Variants in FGD4 observed in about 807,000 individuals in gnomAD.
FGD4 encodes FYVE, RhoGEF and PH domain-containing protein 4.
FGD4 carries 42 observed loss-of-function variants against 102.0 expected under a neutral mutation model. The observed-to-expected ratio is 0.41, with a 90% CI of 0.32 to 0.53. FGD4 has a LOEUF of 0.53. Ranked by LOEUF, FGD4 falls within the 20% of genes least tolerant of loss-of-function variation. The probability of loss-of-function intolerance (pLI) is 0.21; values close to 1 mark genes in which losing one functional copy is unlikely to be tolerated. For synonymous variants in FGD4, 380 were observed against 375.7 expected (o/e 1.01, Z -0.13); for missense variants, 902 against 1,078.2 (o/e 0.84, Z 2.29).
At chr12:32,513,553 G>A (rs1174294299) in intron 1 of FGD4, among the ~76,000 whole-genome samples, 2 of 152,198 alleles carry the variant, frequency 1.3e-5, no homozygotes, top group Non-Finnish European at 2.9e-5. Context: ...AGGAGCTTTA[G>A]CATTTTGATG....
chr12:32,442,060 GT>G (rs1340991132), intron 1 of FGD4, among the ~76,000 whole-genome samples: 9 of 123,918 alleles, frequency 7.3e-5, no homozygotes, highest in East Asian at 4.4e-4. Flanking sequence ...TTTTTTTTTG[GT>G]TTTTTTTTTG....
At chr12:32,600,979 G>A (rs1948385988) in intron 5 of FGD4, among the ~76,000 whole-genome samples, 1 of 152,190 alleles carries the variant, frequency 6.6e-6, no homozygotes, top group Admixed American at 6.5e-5. Context: ...TGGATAGGAA[G>A]GGTGAATTCT....
At chr12:32,539,328 G>T (rs1942597896) in intron 1 of FGD4, among the ~76,000 whole-genome samples, 1 of 152,198 alleles carries the variant, frequency 6.6e-6, no homozygotes, top group Non-Finnish European at 1.5e-5. Context: ...CCAGCACATT[G>T]GGAGGCTGAG....
At chr12:32,563,176 CG>C (rs963543185) in intron 1 of FGD4, among the ~76,000 whole-genome samples, 17 of 151,940 alleles carry the variant, frequency 1.1e-4, no homozygotes, top group African/African-American at 3.6e-4. Flanking sequence ...GGGTGGCTGC[CG>C]GGCGGAGACG....
At chr12:32,581,851 T>C (rs972247166) in intron 3 of FGD4, 109 bp from the exon 4 acceptor site, 6 of 1,217,886 alleles carry the variant, frequency 4.9e-6, no homozygotes, top group Non-Finnish European at 2.3e-6. Context: ...CCATCAGAGA[T>C]AGAAAAAAAA....
intron 1 of FGD4, among the ~76,000 whole-genome samples, chr12:32,401,627 GA>G (rs1384993520): frequency 6.6e-6 from 1 of 151,908 alleles, no homozygotes; most frequent in Non-Finnish European, 1.5e-5. Context: ...TTGAGTAGGG[GA>G]AAAGAGGAAG....
chr12:32,453,202 A>ATAT (rs1565748877), intron 1 of FGD4, among the ~76,000 whole-genome samples: 20,405 of 116,486 alleles, frequency 0.18, 2,535 homozygotes, highest in Non-Finnish European at 0.24. Context: ...TATATATATT[A>ATAT]TATATATATA....
chr12:32,517,885 C>CAA (rs913487584), intron 1 of FGD4, among the ~76,000 whole-genome samples: 1 of 143,428 alleles, frequency 7.0e-6, no homozygotes, highest in Non-Finnish European at 1.5e-5. Context: ...GACCCTGTCT[C>CAA]AAAAAAAAAA....
intron 7 of FGD4, among the ~76,000 whole-genome samples, chr12:32,604,345 T>C (rs78864744): frequency 0.044 from 6,747 of 152,178 alleles, 195 homozygotes; most frequent in Non-Finnish European, 0.052. Flanking sequence ...ATTACACAAA[T>C]TTTGGTGGGT....
At chr12:32,630,678 T>C (rs1273407868) in intron 14 of FGD4, among the ~76,000 whole-genome samples, 1 of 151,926 alleles carries the variant, frequency 6.6e-6, no homozygotes, top group Non-Finnish European at 1.5e-5. Flanking sequence ...TAGCTGGGTG[T>C]GGTGGCATGT....
At chr12:32,446,375 C>T (rs566671113) in intron 1 of FGD4, among the ~76,000 whole-genome samples, 2 of 151,992 alleles carry the variant, frequency 1.3e-5, no homozygotes, top group East Asian at 3.9e-4. Flanking sequence ...AAACCTGAAG[C>T]CCAATGTAAC....
At chr12:32,638,887 T>G (rs1400426020) in intron 16 of FGD4, 92 bp downstream of exon 16, 1 of 1,586,950 alleles carries the variant, frequency 6.3e-7, no homozygotes, top group Non-Finnish European at 8.6e-7. Context: ...AGAACAAGAG[T>G]TCAGGCAGTT....
At chr12:32,410,102 G>A (rs2136393347) in intron 1 of FGD4, among the ~76,000 whole-genome samples, 1 of 152,234 alleles carries the variant, frequency 6.6e-6, no homozygotes, top group East Asian at 1.9e-4. Context: ...GCCGAAGCAG[G>A]TGGATCATGA....
intron 1 of FGD4, among the ~76,000 whole-genome samples, chr12:32,486,361 C>A (rs1282617461): frequency 2.0e-5 from 3 of 152,174 alleles, no homozygotes; most frequent in Non-Finnish European, 2.9e-5. Flanking sequence ...TTTTTCTTAT[C>A]TTCATGATCC....
At chr12:32,569,611 C>T (rs1945475175) in intron 2 of FGD4, among the ~76,000 whole-genome samples, 1 of 152,180 alleles carries the variant, frequency 6.6e-6, no homozygotes, top group African/African-American at 2.4e-5. Context: ...ACTTCCCACA[C>T]CCTGGATGGT....
chr12:32,526,990 T>C (rs1463200704), intron 1 of FGD4, among the ~76,000 whole-genome samples: 1 of 152,186 alleles, frequency 6.6e-6, no homozygotes, highest in Non-Finnish European at 1.5e-5. Context: ...GTAAAGATTT[T>C]AAAAATTAAT....
chr12:32,451,751 A>G (rs1357498552), intron 1 of FGD4, among the ~76,000 whole-genome samples: 1 of 147,926 alleles, frequency 6.8e-6, no homozygotes, highest in African/African-American at 2.6e-5. Flanking sequence ...TACTAAAAAC[A>G]CAAAAAATTA....
chr12:32,480,694 T>C lies in FGD4; in HGVS notation c.166+80735T>C, dbSNP rs1401742983. On this transcript the variant is annotated intron_variant, in intron 1 of 16. Transcript: ENST00000534526. ...TTTTGTATTTTTAGTAGAGACGGGGTTTCACCATGTTGGCCAGGATGCTCT... is the reference window on the plus strand; with the variant it reads ...TTTTGTATTTTTAGTAGAGACGGGGCTTCACCATGTTGGCCAGGATGCTCT... Among the ~76,000 whole-genome samples the C allele has an allele frequency of 4.0e-5, 6 of 151,778 alleles. No homozygotes were observed. The East Asian group carries it at 5.9e-4, about 15-fold the overall frequency.
chr12:32,433,995 A>G (rs1360233147), intron 1 of FGD4, among the ~76,000 whole-genome samples: 3 of 152,030 alleles, frequency 2.0e-5, no homozygotes, highest in Non-Finnish European at 4.4e-5. Flanking sequence ...AGCTAGGACT[A>G]CAGGCATGCA....
Sources: allele counts gnomAD v4.1 joint callset (sites outside exome capture counted in the v4.1 genomes callset), GRCh38; gene constraint gnomAD v4.1.1; transcripts MANE v1.5; gene names NCBI Gene and HGNC (gene_info 2026-07-23, HGNC 2026-07-21).